The following TRPM3 variants were observed in gnomAD, a reference collection of about 807,000 sequenced individuals.
TRPM3 encodes the protein long transient receptor potential channel 3.
Under a neutral mutation model 181.2 loss-of-function variants are expected in TRPM3, and 77 were observed. That is an observed-to-expected ratio of 0.42 (90% CI 0.35 to 0.51). TRPM3 has a LOEUF of 0.51. Among genes scored for constraint, TRPM3 ranks in the 20% least tolerant of loss-of-function variants. The pLI, the probability that TRPM3 is intolerant of heterozygous loss-of-function variation, is 0.01. For synonymous variants in TRPM3, 745 were observed against 796.4 expected (o/e 0.94, Z 1.09); for missense variants, 1,759 against 2,196.7 (o/e 0.80, Z 3.98).
At chr9:70,961,845 AG>A (rs1359692583) in intron 1 of TRPM3, among the ~76,000 whole-genome samples, 8 of 152,104 alleles carry the variant, frequency 5.3e-5, no homozygotes, top group Admixed American at 5.2e-4. Context: ...TAATGCCATA[AG>A]GGGATTTATT....
At chr9:71,411,330 A>G (rs1445747757) in intron 1 of TRPM3, among the ~76,000 whole-genome samples, 2 of 152,256 alleles carry the variant, frequency 1.3e-5, no homozygotes, top group African/African-American at 4.8e-5. Flanking sequence ...TTTGCAGATG[A>G]CATGATTGTA....
In TRPM3 at chr9:70,598,455, C is replaced by T; in HGVS notation, c.3012G>A (p.Lys1004=). ...IRLLDIFGVN[K]YLGPYVMMIG... is the part of the protein sequence containing the mutation. ...TCATCATTACATACGGGCCCAAATA[C>T]TTGTTCACGCCGAAGATGTCTAGGA... The change falls in exon 21 of 26, where the codon AAG becomes AAA. Residue 1004 remains lysine (K), a synonymous_variant. Coordinates refer to ENST00000677713, the MANE Select transcript of TRPM3 (RefSeq NM_001366145.2). 6.2e-7 allele frequency: 1 copy of T among 1,614,204 alleles called. No homozygotes were observed.
chr9:71,061,097 T>C (rs2133346243), intron 1 of TRPM3, among the ~76,000 whole-genome samples: 1 of 152,120 alleles, frequency 6.6e-6, no homozygotes, highest in East Asian at 1.9e-4. Context: ...TGCATGGTAC[T>C]CAGCCAGGTG....
chr9:70,867,917 T>C (rs2132507617), intron 1 of TRPM3, among the ~76,000 whole-genome samples: 1 of 152,188 alleles, frequency 6.6e-6, no homozygotes, highest in African/African-American at 2.4e-5. Flanking sequence ...CTACTCTATA[T>C]GAAGCTTTAT....
intron 22 of TRPM3, among the ~76,000 whole-genome samples, chr9:70,584,121 T>A (rs2056608411): frequency 6.6e-6 from 1 of 151,762 alleles, no homozygotes; most frequent in Non-Finnish European, 1.5e-5. Context: ...GTCACTGGAG[T>A]TTTGAACTCC....
chr9:71,196,502 C>T (rs1354657104), intron 1 of TRPM3, among the ~76,000 whole-genome samples: 1 of 151,700 alleles, frequency 6.6e-6, no homozygotes, highest in Non-Finnish European at 1.5e-5. Context: ...GAATCTAATA[C>T]CTGCATTTTC....
chr9:71,107,847 C>A (rs2070072790), intron 1 of TRPM3, among the ~76,000 whole-genome samples: 3 of 152,084 alleles, frequency 2.0e-5, no homozygotes, highest in African/African-American at 7.2e-5. Flanking sequence ...AAATTTTTTA[C>A]CCCATATTTA....
intron 1 of TRPM3, among the ~76,000 whole-genome samples, chr9:71,391,854 G>A (rs1013370888): frequency 4.6e-5 from 7 of 152,018 alleles, no homozygotes; most frequent in Non-Finnish European, 8.8e-5. Context: ...AGGTATAATA[G>A]TTAAACATTT....
At chr9:70,911,409 T>C (rs753765182) in intron 1 of TRPM3, among the ~76,000 whole-genome samples, 4 of 152,196 alleles carry the variant, frequency 2.6e-5, no homozygotes, top group Non-Finnish European at 5.9e-5. Context: ...TCCAGAGTAA[T>C]TTCATACAAA....
chr9:71,324,882 C>T (rs1194038645), intron 1 of TRPM3, among the ~76,000 whole-genome samples: 1 of 151,616 alleles, frequency 6.6e-6, no homozygotes, highest in African/African-American at 2.4e-5. Context: ...CATGTGTAAG[C>T]TAAAAAATTT....
chr9:71,147,405 C>T (rs1414441589), intron 1 of TRPM3, among the ~76,000 whole-genome samples: 1 of 126,754 alleles, frequency 7.9e-6, no homozygotes, highest in Non-Finnish European at 1.7e-5. Context: ...AACATCTGCC[C>T]TCTTGCCTGC....
intron 6 of TRPM3, among the ~76,000 whole-genome samples, chr9:70,798,784 G>C (rs958377635): frequency 2.6e-5 from 4 of 152,212 alleles, no homozygotes; most frequent in African/African-American, 9.6e-5. Flanking sequence ...ACTGTTGGAA[G>C]GTATCCTGCT....
At chr9:70,582,849 T>A (rs1421806462) in intron 22 of TRPM3, among the ~76,000 whole-genome samples, 2 of 152,324 alleles carry the variant, frequency 1.3e-5, no homozygotes, top group Admixed American at 1.3e-4. Flanking sequence ...CACTGTGAGA[T>A]GATTTATGAT....
At chr9:71,270,976 C>A (rs1456873437) in intron 1 of TRPM3, among the ~76,000 whole-genome samples, 1 of 152,098 alleles carries the variant, frequency 6.6e-6, no homozygotes, top group Non-Finnish European at 1.5e-5. Flanking sequence ...CCCAGTTGAG[C>A]CATCAGATAA....
At chr9:71,428,948 GA>G (rs34737844) in intron 1 of TRPM3, among the ~76,000 whole-genome samples, 68,072 of 121,658 alleles carry the variant, frequency 0.56, 20,249 homozygotes, top group Non-Finnish European at 0.7. Context: ...TGTTTCAAAG[GA>G]AAAAAAAAAA....
At chr9:71,057,052 A>C (rs1157639459) in intron 1 of TRPM3, among the ~76,000 whole-genome samples, 1 of 151,960 alleles carries the variant, frequency 6.6e-6, no homozygotes, top group East Asian at 1.9e-4. Flanking sequence ...AGAGGATAAA[A>C]GATTTGGTCT....
At chr9:70,809,896 G>A in intron 6 of TRPM3, 1 of 523,406 alleles carries the variant, frequency 1.9e-6, no homozygotes, top group Non-Finnish European at 3.9e-6. Flanking sequence ...TTATGGGACA[G>A]TTATGGGCCC....
At chr9:71,376,701 G>T (rs1007196686) in intron 1 of TRPM3, among the ~76,000 whole-genome samples, 1 of 151,860 alleles carries the variant, frequency 6.6e-6, no homozygotes, top group African/African-American at 2.4e-5. Flanking sequence ...ATATTTTCAG[G>T]TTCTAGTCAT....
rs186909402 is a variant in TRPM3 at position 71,242,468 on chromosome 9, A to G, written c.183+204185T>C. On this transcript the variant is annotated intron_variant, in intron 1 of 24. Transcript: ENST00000357533. ...CTTCTGTTAACAGAATGAAATGCCA[A>G]TGGAAGAATTTAGATTTTGATGCAA... 3.9e-5 allele frequency among the ~76,000 whole-genome samples: 6 copies of G among 152,364 alleles called. No individual in the cohort carries two copies. In the East Asian group the frequency reaches 7.7e-4, roughly 20 times the overall value.
Sources: allele counts gnomAD v4.1 joint callset (sites outside exome capture counted in the v4.1 genomes callset), GRCh38; gene constraint gnomAD v4.1.1; transcripts MANE v1.5; gene names NCBI Gene and HGNC (gene_info 2026-07-23, HGNC 2026-07-21).